RIMS2: variants seen among roughly 807,000 people sequenced by gnomAD.
The protein encoded by RIMS2 is regulating synaptic membrane exocytosis protein 2.
Under a neutral mutation model 174.4 loss-of-function variants are expected in RIMS2, and 59 were observed. That is an observed-to-expected ratio of 0.34 (90% CI 0.27 to 0.42). The LOEUF is 0.42. Ranked by LOEUF, RIMS2 falls within the 10% of genes least tolerant of loss-of-function variation. The pLI is 1.00. For synonymous variants in RIMS2, 606 were observed against 572.5 expected (o/e 1.06, Z -0.84); for missense variants, 1,620 against 1,666.3 (o/e 0.97, Z 0.48).
intron 19 of RIMS2, among the ~76,000 whole-genome samples, chr8:104,107,514 A>C (rs1040711652): frequency 3.9e-5 from 6 of 152,246 alleles, no homozygotes; most frequent in Non-Finnish European, 7.3e-5. Context: ...TTTGTATATG[A>C]ATAAATTAGA....
chr8:103,575,468 A>G (rs1055031005), intron 1 of RIMS2, among the ~76,000 whole-genome samples: 4 of 152,082 alleles, frequency 2.6e-5, no homozygotes, highest in Admixed American at 1.3e-4. Context: ...GTACTCACCA[A>G]AAGAAAAGTA....
At chr8:104,139,384 C>G (rs572382595) in intron 19 of RIMS2, among the ~76,000 whole-genome samples, 2 of 152,196 alleles carry the variant, frequency 1.3e-5, no homozygotes, top group Admixed American at 6.5e-5. Flanking sequence ...ATTGATTCTT[C>G]CAGTCCATGA....
chr8:104,093,531 A>G (rs1249077134), intron 19 of RIMS2: 5 of 1,597,148 alleles, frequency 3.1e-6, no homozygotes, highest in South Asian at 2.2e-5. Flanking sequence ...ATCTTCGGAC[A>G]GTGATGTAAG....
chr8:103,574,403 C>T (rs376773127), intron 1 of RIMS2, among the ~76,000 whole-genome samples: 1 of 152,318 alleles, frequency 6.6e-6, no homozygotes, highest in African/African-American at 2.4e-5. Flanking sequence ...TAAAAGCAAG[C>T]ATCTCACAGA....
intron 3 of RIMS2, among the ~76,000 whole-genome samples, chr8:103,782,526 A>G (rs1265555251): frequency 6.6e-6 from 1 of 151,906 alleles, no homozygotes; most frequent in Admixed American, 6.6e-5. Context: ...TAGAAGTACA[A>G]TCACTTGGTT....
chr8:104,149,286 A>G (rs1183452606), intron 19 of RIMS2, among the ~76,000 whole-genome samples: 1 of 152,156 alleles, frequency 6.6e-6, no homozygotes, highest in Non-Finnish European at 1.5e-5. Context: ...TTTGCTGACA[A>G]CCCAACTTCC....
At chr8:103,549,443 C>T (rs1291508074) in intron 1 of RIMS2, among the ~76,000 whole-genome samples, 1 of 152,112 alleles carries the variant, frequency 6.6e-6, no homozygotes, top group Non-Finnish European at 1.5e-5. Context: ...CAACACCAGG[C>T]CTACCTTACA....
At chr8:103,951,351 C>T (rs946210476) in intron 14 of RIMS2, among the ~76,000 whole-genome samples, 1 of 152,204 alleles carries the variant, frequency 6.6e-6, no homozygotes, top group Non-Finnish European at 1.5e-5. Context: ...CTCTGGTTTG[C>T]AGCTCCCAGC....
chr8:103,596,063 T>G, intron 1 of RIMS2, among the ~76,000 whole-genome samples: 1 of 152,000 alleles, frequency 6.6e-6, no homozygotes, highest in South Asian at 2.1e-4. Context: ...CTTCTGAAAT[T>G]TGTCTTAATT....
chr8:104,108,236 CT>C (rs564703896), intron 19 of RIMS2, among the ~76,000 whole-genome samples: 30 of 151,678 alleles, frequency 2.0e-4, no homozygotes, highest in African/African-American at 7.0e-4. Flanking sequence ...GTTATTTTTT[CT>C]TTTTTTTATT....
At chr8:103,573,214 C>T (rs191990968) in intron 1 of RIMS2, among the ~76,000 whole-genome samples, 6 of 151,872 alleles carry the variant, frequency 4.0e-5, no homozygotes, top group East Asian at 1.9e-4. Flanking sequence ...TGCCACCACG[C>T]CCAGCTAATT....
chr8:103,613,194 A>G (rs1328881186), intron 1 of RIMS2, among the ~76,000 whole-genome samples: 2 of 152,190 alleles, frequency 1.3e-5, no homozygotes, highest in African/African-American at 4.8e-5. Flanking sequence ...TTTGGAGTCA[A>G]AAACCTTAGG....
chr8:103,887,920 G>C (rs1423182642), intron 4 of RIMS2, among the ~76,000 whole-genome samples: 1 of 151,544 alleles, frequency 6.6e-6, no homozygotes, highest in East Asian at 1.9e-4. Flanking sequence ...GTAGTATAAA[G>C]ATGCAAGCTC....
exon 4 of RIMS2, chr8:103,885,682 A>C: frequency 6.2e-7 from 1 of 1,613,100 alleles, no homozygotes; most frequent in Non-Finnish European, 8.5e-7. Context: ...AAGTGTCCCG[A>C]GCACGGCATG....
intron 19 of RIMS2, among the ~76,000 whole-genome samples, chr8:104,028,727 A>G (rs1450211436): frequency 6.6e-6 from 1 of 152,162 alleles, no homozygotes; most frequent in Non-Finnish European, 1.5e-5. Flanking sequence ...AACCTTATAA[A>G]TTTTCAAGAC....
rs943848399 is a variant in RIMS2, at chr8:103,900,528, A to T, written c.1625-9606A>T. ...TGTCTATATGGAGACTGCTATAAAT[A>T]CCACTAAATGGAATCTGTGGAATTA... On this transcript the variant is annotated intron_variant, in intron 4 of 23. Transcript: ENST00000504942. Among the ~76,000 whole-genome samples the T allele has an allele frequency of 1.7e-4, 26 of 152,104 alleles. 1 individual carries two copies. Among genetic ancestry groups the T allele is most frequent in the Admixed American group, 1.5e-3 (23 of 15,250 alleles).
At chr8:103,655,603 A>T (rs779148860) in intron 1 of RIMS2, among the ~76,000 whole-genome samples, 2 of 152,152 alleles carry the variant, frequency 1.3e-5, no homozygotes, top group Non-Finnish European at 2.9e-5. Flanking sequence ...CTAAAATTTG[A>T]ATTATTGGAA....
chr8:103,517,020 G>A (rs1375643336), intron 1 of RIMS2, among the ~76,000 whole-genome samples: 1 of 152,146 alleles, frequency 6.6e-6, no homozygotes, highest in Non-Finnish European at 1.5e-5. Context: ...TGCATTTTGA[G>A]CATCTGTTCT....
intron 1 of RIMS2, among the ~76,000 whole-genome samples, chr8:103,551,406 A>G (rs1027924511): frequency 6.6e-5 from 10 of 152,228 alleles, no homozygotes; most frequent in Admixed American, 5.2e-4. Context: ...ACAGCACTTC[A>G]TTCTAAAAAC....
Sources: gnomAD v4.1 joint callset for allele counts (sites outside exome capture counted in the v4.1 genomes callset) on GRCh38, gnomAD v4.1.1 for gene constraint, MANE v1.5 for transcripts, NCBI Gene and HGNC (gene_info 2026-07-23, HGNC 2026-07-21) for gene names.